Variants in HDAC5 observed in about 807,000 individuals in gnomAD.
HDAC5 encodes the protein histone deacetylase 5.
In HDAC5, 25 loss-of-function variants were observed where a neutral mutation model predicts 133.3. The ratio of observed to expected loss-of-function variants is 0.19; its 90% confidence interval spans 0.14 to 0.26. The LOEUF (loss-of-function observed/expected upper bound fraction) is 0.26. HDAC5 is among the 10% of genes least tolerant of loss of function. HDAC5 has a pLI of 1.00. For synonymous variants in HDAC5, 589 were observed against 610.8 expected, an observed-to-expected ratio of 0.96 and a Z score of 0.53; for missense variants, 1,041 against 1,460.5, an observed-to-expected ratio of 0.71 and a Z score of 4.68.
At chr17:44,082,511 A>C in intron 20 of HDAC5, 74 bp downstream of exon 20, 2 of 1,178,400 alleles carry the variant, frequency 1.7e-6, no homozygotes, top group Non-Finnish European at 2.5e-6. Flanking sequence ...GGGCTGGGGG[A>C]GGAGACTTCC....
At chr17:44,100,756 A>G (rs2051551384) in intron 3 of HDAC5, among the ~76,000 whole-genome samples, 1 of 151,180 alleles carries the variant, frequency 6.6e-6, no homozygotes, top group Non-Finnish European at 1.5e-5. Flanking sequence ...TCCGTCTCAA[A>G]ATAAATAAAT....
intron 1 of HDAC5, among the ~76,000 whole-genome samples, chr17:44,120,891 G>A (rs1452814422): frequency 6.6e-6 from 1 of 152,018 alleles, no homozygotes; most frequent in Non-Finnish European, 1.5e-5. Context: ...CCCCAAGCTA[G>A]GCCAACAGAA....
rs1015610495 is a variant in HDAC5, at chr17:44,109,376, G to C, written c.94+1353C>G. Among the ~76,000 whole-genome samples, 3 of 152,220 alleles carry C rather than the reference G, an allele frequency of 2.0e-5. No homozygotes were observed. In the East Asian group the frequency reaches 5.8e-4, roughly 30 times the overall value. Reference sequence around the variant, plus strand: ...CTCATCCCAGGGACCTGTGTAGGGGGCCCCCAGGCATACGCCCCTACCTCA... The same window carrying C: ...CTCATCCCAGGGACCTGTGTAGGGGCCCCCCAGGCATACGCCCCTACCTCA... On this transcript the variant is annotated intron_variant, in intron 3 of 26. Coordinates refer to ENST00000682912, the MANE Select transcript of HDAC5 (RefSeq NM_005474.5).
chr17:44,083,214 G>A (rs1368099189), intron 18 of HDAC5, among the ~76,000 whole-genome samples: 1 of 152,048 alleles, frequency 6.6e-6, no homozygotes, highest in Non-Finnish European at 1.5e-5. Flanking sequence ...CAAGCTATCT[G>A]CCCACCTCGG....
chr17:44,091,678 G>A (rs548932792), intron 10 of HDAC5, 22 bp downstream of exon 10: 1 of 1,525,256 alleles, frequency 6.6e-7, no homozygotes, highest in East Asian at 2.3e-5. Flanking sequence ...GAGGGAAGAT[G>A]GGGTATATGC....
intron 3 of HDAC5, among the ~76,000 whole-genome samples, chr17:44,106,455 T>C (rs1026033343): frequency 7.2e-5 from 11 of 152,286 alleles, no homozygotes; most frequent in Middle Eastern, 3.4e-3. Flanking sequence ...AGGTGGCATA[T>C]TGCACATGGG....
At chr17:44,100,798 C>CT (rs1043852338) in intron 3 of HDAC5, among the ~76,000 whole-genome samples, 4 of 147,722 alleles carry the variant, frequency 2.7e-5, no homozygotes, top group Admixed American at 6.7e-5. Context: ...ATTTTTTTTT[C>CT]TTTTTTTTGG....
chr17:44,082,779 C>T lies in HDAC5; in HGVS notation c.2505G>A (p.Glu835=). 1 of 1,568,536 alleles carries T rather than the reference C, an allele frequency of 6.4e-7. No homozygotes were observed. Residue 835 remains glutamate (E), a synonymous_variant, in exon 19 of 27, where the codon GAG becomes GAA. Transcript: ENST00000682912. The stretch of plus-strand genomic sequence containing the variant: ...AGGGCACTCACATGGCTGTGGATTC[C>T]TCGGCGTGGTGTCCTGGGGGCCGGA... The part of the protein sequence containing the change: ...AIIRPPGHHA[E]ESTAMGFCFF...
At chr17:44,084,168 C>T (rs1285431313) in intron 16 of HDAC5, among the ~76,000 whole-genome samples, 3 of 151,896 alleles carry the variant, frequency 2.0e-5, no homozygotes, top group Non-Finnish European at 4.4e-5. Flanking sequence ...ACAGGCTTAG[C>T]CACCAAAAAT....
At chr17:44,120,021 C>T (rs1266625553) in intron 1 of HDAC5, 1 of 152,486 alleles carries the variant, frequency 6.6e-6, no homozygotes. Flanking sequence ...AAACCACCTC[C>T]CACATCCAGC....
At chr17:44,111,385 G>A (rs573740423) in intron 2 of HDAC5, 18 of 345,446 alleles carry the variant, frequency 5.2e-5, no homozygotes, top group Middle Eastern at 1.1e-3. Context: ...AGCGCCAGGC[G>A]AGGGGGATGG....
intron 3 of HDAC5, among the ~76,000 whole-genome samples, chr17:44,097,341 G>A (rs1165777114): frequency 1.3e-5 from 2 of 152,250 alleles, no homozygotes; most frequent in African/African-American, 2.4e-5. Flanking sequence ...TGGTTTTCCC[G>A]CCAGCCATAC....
intron 3 of HDAC5, among the ~76,000 whole-genome samples, chr17:44,095,599 T>G (rs1434947962): frequency 6.6e-6 from 1 of 151,502 alleles, no homozygotes; most frequent in Non-Finnish European, 1.5e-5. Flanking sequence ...GGGCTGGGAG[T>G]CAAGACTCGC....
Position 44,079,240 on chromosome 17 carries a change from T to G in HDAC5, c.2982A>C (p.Ala994=). ...CCAGGGCCAGCACCACCCGGCCCCC[T>G]GCCAGGGTCATCAGCTGCCTGGTCA... ...GHLTRQLMTL[A]GGRVVLALEG... is the part of the protein sequence containing the mutation. Residue 994 remains alanine, a synonymous_variant, in exon 24 of 27, where the codon GCA becomes GCC. Coordinates refer to ENST00000682912, the MANE Select transcript of HDAC5 (RefSeq NM_005474.5). The G allele has an allele frequency of 6.2e-7, 1 of 1,613,648 alleles. No homozygotes were observed. Among genetic ancestry groups the G allele is most frequent in the Non-Finnish European group, 8.5e-7 (1 of 1,179,732 alleles).
chr17:44,123,543 C>T lies in HDAC5; in HGVS notation c.-229G>A. ...GCTCCGGCTTCGCGGGCGGCGGCGG[C>T]AGCAGCGGCGGCGGCAGCGGCGGCA... On this transcript the variant is annotated 5_prime_UTR_variant, in exon 1 of 27. Transcript: ENST00000682912. 2.5e-6 allele frequency: 1 copy of T among 399,458 alleles called. No homozygotes were observed. The highest frequency in any genetic ancestry group is 4.4e-6 in the Non-Finnish European group (1 of 227,876). The allele number at this position is 399,458 out of a possible 1,614,324, so 24.7% of individuals were successfully genotyped here. A position where few individuals can be genotyped will look rare whatever the true frequency, so the allele number is the denominator to read the frequency against.
rs375171 is a variant in HDAC5 at position 44,077,102 on chromosome 17, A to G, written c.*1274T>C. 63,760 of 152,530 alleles carry G rather than the reference A, an allele frequency of 0.42. 14,917 individuals are homozygous for G. Among genetic ancestry groups the G allele is most frequent in the Middle Eastern group, 0.6 (178 of 296 alleles). 9.4% of individuals were successfully genotyped at this position (152,530 alleles called of 1,614,324 possible). A position where few individuals can be genotyped will look rare whatever the true frequency, so the allele number is the denominator to read the frequency against. ...TGTAAACAGATTGGTGGGGCCCTGG[A>G]GATAGAAGGAGAGAAAGTATATGTG... On this transcript the variant is annotated 3_prime_UTR_variant, in exon 27 of 27. Coordinates refer to ENST00000682912, the MANE Select transcript of HDAC5 (RefSeq NM_005474.5).
In HDAC5 at chr17:44,081,266, TG is replaced by T. The variant is rs917733681; in HGVS notation, c.2608-385del. Among the ~76,000 whole-genome samples, 179 of 152,132 alleles carry T rather than the reference TG, an allele frequency of 1.2e-3. 1 individual carries two copies. The highest frequency in any genetic ancestry group is 6.2e-4 in the Non-Finnish European group (42 of 67,962). On this transcript the variant is annotated intron_variant, in intron 20 of 26. Coordinates refer to ENST00000682912, the MANE Select transcript of HDAC5 (RefSeq NM_005474.5). ...GATGAGATTCTTTCTTTTTTTTTTT[TG>T]AGACCAAGTTTCACTCTTGTTGCCC... is the stretch of plus-strand genomic sequence containing the variant.
chr17:44,117,040 C>T lies in HDAC5; in HGVS notation c.22+454G>A, dbSNP rs1221698494. Among the ~76,000 whole-genome samples, 1 of 152,204 alleles carries T rather than the reference C, an allele frequency of 6.6e-6. No individual in the cohort carries two copies. Among genetic ancestry groups the T allele is most frequent in the Non-Finnish European group, 1.5e-5 (1 of 68,032 alleles). ...TAAGGCCCAGTGCCCTTGTAAACCT[C>T]CACTAAGAAAAAAGTATGGAACACA... On this transcript the variant is annotated intron_variant, in intron 2 of 26. Coordinates refer to ENST00000682912, the MANE Select transcript of HDAC5 (RefSeq NM_005474.5). The surrounding 1 kb of genome is among the most constrained non-coding windows in gnomAD (Gnocchi z 4.2).
At chr17:44,118,847 G>A (rs1397624921) in intron 1 of HDAC5, among the ~76,000 whole-genome samples, 1 of 152,138 alleles carries the variant, frequency 6.6e-6, no homozygotes, top group Non-Finnish European at 1.5e-5. Context: ...TGCCCCCCTA[G>A]ACAGCCCCAC....
Sources: allele counts gnomAD v4.1 joint callset (sites outside exome capture counted in the v4.1 genomes callset), GRCh38; gene constraint gnomAD v4.1.1; non-coding constraint Gnocchi (gnomAD v3.1); transcripts MANE v1.5; gene names NCBI Gene and HGNC (gene_info 2026-07-23, HGNC 2026-07-21).